The following PKNOX2 variants were observed in gnomAD, a reference collection of about 807,000 sequenced individuals.
The protein encoded by PKNOX2 is PBX/knotted 1 homeobox 2.
A neutral mutation model predicts 53.1 loss-of-function variants in PKNOX2; 14 were observed. The observed-to-expected ratio is 0.26, with a 90% CI of 0.17 to 0.41. The LOEUF (loss-of-function observed/expected upper bound fraction) is 0.41. Among genes scored for constraint, PKNOX2 ranks in the 10% least tolerant of loss-of-function variants. The probability of loss-of-function intolerance (pLI) is 1.00; values close to 1 mark genes in which losing one functional copy is unlikely to be tolerated. For synonymous variants in PKNOX2, 257 were observed against 242.8 expected (o/e 1.06, Z -0.54); for missense variants, 496 against 602.8 (o/e 0.82, Z 1.85).
intron 2 of PKNOX2, among the ~76,000 whole-genome samples, chr11:125,296,441 A>G (rs74316689): frequency 0.017 from 2,585 of 152,018 alleles, 85 homozygotes; most frequent in African/African-American, 0.059. Context: ...CTCTTCCTCC[A>G]TGTGCCCACA....
At chr11:125,400,299 G>C (rs1006490259) in intron 7 of PKNOX2, among the ~76,000 whole-genome samples, 2 of 152,146 alleles carry the variant, frequency 1.3e-5, no homozygotes, top group African/African-American at 4.8e-5. Flanking sequence ...CTGGCTTCGG[G>C]GGTAAATACG....
At chr11:125,242,333 T>C (rs1943219969) in intron 2 of PKNOX2, among the ~76,000 whole-genome samples, 1 of 152,084 alleles carries the variant, frequency 6.6e-6, no homozygotes, top group African/African-American at 2.4e-5. Context: ...TACTTCCCAG[T>C]CTCCCCTCTT....
chr11:125,367,750 G>T (rs577353124), intron 4 of PKNOX2, 96 bp from the exon 5 acceptor site: 84 of 1,348,066 alleles, frequency 6.2e-5, no homozygotes, highest in Non-Finnish European at 8.1e-5. Context: ...GCTCTCCTCC[G>T]GGCACAGCAC....
intron 2 of PKNOX2, among the ~76,000 whole-genome samples, chr11:125,257,633 C>T (rs538453684): frequency 1.7e-4 from 26 of 152,322 alleles, no homozygotes; most frequent in Admixed American, 1.4e-3. Context: ...CAGCAGCTGA[C>T]GATCCTGCCC....
At chr11:125,193,024 T>C (rs912260745) in intron 1 of PKNOX2, among the ~76,000 whole-genome samples, 1 of 152,134 alleles carries the variant, frequency 6.6e-6, no homozygotes, top group Non-Finnish European at 1.5e-5. Flanking sequence ...ACCCTCAGGG[T>C]CACTTCTGTC....
At chr11:125,276,973 T>G (rs533377516) in intron 2 of PKNOX2, among the ~76,000 whole-genome samples, 1 of 152,088 alleles carries the variant, frequency 6.6e-6, no homozygotes, top group African/African-American at 2.4e-5. Context: ...AGCTGAAGTA[T>G]TGGATAGTGG....
At chr11:125,189,433 GTGTGTGTGTGTGTGTATATATATATA>G (rs1956686961) in intron 1 of PKNOX2, among the ~76,000 whole-genome samples, 1 of 79,216 alleles carries the variant, frequency 1.3e-5, no homozygotes, top group African/African-American at 5.8e-5. Context: ...GTGTGTGTGT[GTGTGTGTGTGTGTGTATATATATATA>G]TATATATATA....
intron 1 of PKNOX2, among the ~76,000 whole-genome samples, chr11:125,234,305 A>G (rs1459805375): frequency 2.0e-5 from 3 of 152,230 alleles, no homozygotes; most frequent in African/African-American, 7.2e-5. Flanking sequence ...TCTCTTCCCC[A>G]GCAATGTGGA....
At chr11:125,399,723 CT>C (rs1954623626) in intron 7 of PKNOX2, among the ~76,000 whole-genome samples, 1 of 152,116 alleles carries the variant, frequency 6.6e-6, no homozygotes, top group East Asian at 1.9e-4. Flanking sequence ...TAATCAGGTC[CT>C]TGGAGAGGCA....
At chr11:125,342,360 C>G (rs1488457005) in intron 3 of PKNOX2, among the ~76,000 whole-genome samples, 1 of 152,102 alleles carries the variant, frequency 6.6e-6, no homozygotes, top group African/African-American at 2.4e-5. Flanking sequence ...TGCCCTCCTT[C>G]CCCCACCAGC....
intron 2 of PKNOX2, among the ~76,000 whole-genome samples, chr11:125,267,177 C>T (rs1056925745): frequency 2.0e-5 from 3 of 152,182 alleles, no homozygotes; most frequent in Admixed American, 1.3e-4. Flanking sequence ...AATTTCACAA[C>T]CTGTGAGGTT....
intron 2 of PKNOX2, among the ~76,000 whole-genome samples, chr11:125,309,451 G>C (rs554768739): frequency 1.4e-5 from 2 of 145,836 alleles, no homozygotes; most frequent in African/African-American, 5.1e-5. Context: ...GCAATGGTTC[G>C]ATCTCAGCTC....
In PKNOX2 at chr11:125,173,847, G is replaced by A. The variant is rs116176372; in HGVS notation, c.-201+9071G>A. On this transcript the variant is annotated intron_variant, in intron 1 of 12. Transcript: ENST00000298282. ...TCACAATCCAGACAGATGTCAAGCC[G>A]ACAAACACCAAGGGGAGTTTAGCCC... Among the ~76,000 whole-genome samples the A allele has an allele frequency of 7.2e-3, 1,097 of 152,294 alleles. 9 individuals are homozygous for A. Among genetic ancestry groups the A allele is most frequent in the African/African-American group, 0.024 (1,010 of 41,558 alleles).
intron 5 of PKNOX2, among the ~76,000 whole-genome samples, chr11:125,375,288 C>A (rs2093456939): frequency 6.6e-6 from 1 of 152,144 alleles, no homozygotes; most frequent in Admixed American, 6.5e-5. Context: ...CTTTTGGAAA[C>A]TCACCGGATA....
chr11:125,209,975 G>T (rs12793744), intron 1 of PKNOX2, among the ~76,000 whole-genome samples: 31,359 of 152,000 alleles, frequency 0.21, 3,499 homozygotes, highest in African/African-American at 0.26. Flanking sequence ...GTCAGAGGTG[G>T]CCCAGGATGC....
rs114426133 is a variant in PKNOX2 at position 125,363,200 on chromosome 11, G to A, written c.88-4646G>A. Among the ~76,000 whole-genome samples, 828 of 152,314 alleles carry A rather than the reference G, an allele frequency of 5.4e-3. 6 individuals carry two copies. Among genetic ancestry groups the A allele is most frequent in the African/African-American group, 0.018 (766 of 41,556 alleles). On this transcript the variant is annotated intron_variant, in intron 4 of 12. Transcript: ENST00000298282. The stretch of plus-strand genomic sequence containing the variant: ...CTCTCAAAGCACTGGGATTACAGGC[G>A]TGAGCCACTCACCCACCCCAGAAAT...
chr11:125,430,188 C>A, intron 12 of PKNOX2, 47 bp downstream of exon 12: 1 of 1,585,666 alleles, frequency 6.3e-7, no homozygotes, highest in South Asian at 1.1e-5. Flanking sequence ...TGGGGGTGCT[C>A]CTGGAGCTTC....
chr11:125,261,401 A>G (rs900886978), intron 2 of PKNOX2, among the ~76,000 whole-genome samples: 2 of 152,226 alleles, frequency 1.3e-5, no homozygotes, highest in African/African-American at 4.8e-5. Context: ...GCCTTAAGAA[A>G]TGAGCTCAAG....
At chr11:125,184,475 G>A (rs1233200133) in intron 1 of PKNOX2, 2 of 152,228 alleles carry the variant, frequency 1.3e-5, no homozygotes, top group Non-Finnish European at 2.9e-5. Flanking sequence ...TTGAAGGTTG[G>A]GTGGGATTGA....
Sources: gnomAD v4.1 joint callset for allele counts (sites outside exome capture counted in the v4.1 genomes callset) on GRCh38, gnomAD v4.1.1 for gene constraint, MANE v1.5 for transcripts, NCBI Gene and HGNC (gene_info 2026-07-23, HGNC 2026-07-21) for gene names.